Variants in SLC9A8 observed in about 807,000 individuals in gnomAD.
SLC9A8 encodes the protein sodium/hydrogen exchanger 8.
In SLC9A8, 48 loss-of-function variants were observed where a neutral mutation model predicts 66.6. The observed-to-expected ratio is 0.72, with a 90% confidence interval of 0.57 to 0.92. The LOEUF is 0.92. Among genes scored for constraint, SLC9A8 ranks in the 40% least tolerant of loss-of-function variants. The probability of loss-of-function intolerance (pLI) is 0.00; values close to 1 mark genes in which losing one functional copy is unlikely to be tolerated. For missense variants in SLC9A8, 599 were observed against 747.3 expected (o/e 0.80, Z 2.31); for synonymous variants, 274 against 282.6 (o/e 0.97, Z 0.31).
intron 3 of SLC9A8, among the ~76,000 whole-genome samples, chr20:49,837,280 T>A (rs1194988356): frequency 6.7e-6 from 1 of 149,574 alleles, no homozygotes; most frequent in Non-Finnish European, 1.5e-5. Context: ...AACGAAGCTG[T>A]GCCCCGACCA....
chr20:49,825,539 G>A (rs187377699), intron 3 of SLC9A8, among the ~76,000 whole-genome samples: 1 of 152,238 alleles, frequency 6.6e-6, no homozygotes, highest in Admixed American at 6.5e-5. Context: ...CTACTCTGGA[G>A]GCTGAAGCAA....
In SLC9A8 at chr20:49,886,728, G is replaced by T. The variant is rs772081918; in HGVS notation, c.1492-24G>T. 6.2e-7 allele frequency: 1 copy of T among 1,602,844 alleles called. No homozygotes were observed. The highest frequency in any genetic ancestry group is 1.1e-5 in the South Asian group (1 of 89,782). On this transcript the variant is annotated intron_variant, in intron 14 of 15. Coordinates refer to ENST00000361573, the MANE Select transcript of SLC9A8 (RefSeq NM_015266.3). The surrounding 1 kb of genome is among the most constrained non-coding windows in gnomAD (Gnocchi z 4.8). Reference sequence around the variant, plus strand: ...CCGATGGTGCCAGCTGGTGGCCGTCGGGCCGCCTTTCCTCCCTGCTCAGGG... The same window carrying T: ...CCGATGGTGCCAGCTGGTGGCCGTCTGGCCGCCTTTCCTCCCTGCTCAGGG...
At chr20:49,869,541 A>G (rs1027048250) in intron 10 of SLC9A8, among the ~76,000 whole-genome samples, 7 of 147,302 alleles carry the variant, frequency 4.8e-5, no homozygotes, top group African/African-American at 1.5e-4. Context: ...CTTTCTTAAG[A>G]TGTTGGCATG....
chr20:49,827,496 C>T (rs768887860), intron 3 of SLC9A8, among the ~76,000 whole-genome samples: 45 of 150,314 alleles, frequency 3.0e-4, no homozygotes, highest in Non-Finnish European at 5.3e-4. Flanking sequence ...CCCAGCTATT[C>T]AGGAGGATGG....
In SLC9A8 at chr20:49,881,091, A is replaced by G. The variant is rs1035586034; in HGVS notation, c.1270+56A>G. The G allele has an allele frequency of 2.1e-5, 26 of 1,228,422 alleles. No individual in the cohort carries two copies. In the East Asian group the frequency reaches 4.4e-4, roughly 21 times the overall value. 76.1% of individuals were successfully genotyped at this position (1,228,422 alleles called of 1,614,324 possible). On this transcript the variant is annotated intron_variant, in intron 13 of 15. Transcript: ENST00000361573. ...GAAGTACCTGTTAAAAGCACGCCCC[A>G]TACAGGGAGAGCTGTGGTTCTCTGC...
chr20:49,831,911 G>A (rs569234201), intron 3 of SLC9A8, among the ~76,000 whole-genome samples: 1 of 152,306 alleles, frequency 6.6e-6, no homozygotes, highest in South Asian at 2.1e-4. Flanking sequence ...CGCTTGCCCC[G>A]CCCTGGGCTG....
At chr20:49,876,856 G>T (rs942460891) in intron 11 of SLC9A8, among the ~76,000 whole-genome samples, 5 of 151,976 alleles carry the variant, frequency 3.3e-5, no homozygotes, top group African/African-American at 1.2e-4. Context: ...ACAAATATTA[G>T]ATAAGAAAAA....
At chr20:49,869,877 G>A (rs1019353042) in intron 10 of SLC9A8, among the ~76,000 whole-genome samples, 1 of 152,086 alleles carries the variant, frequency 6.6e-6, no homozygotes, top group East Asian at 1.9e-4. Context: ...GCATGAAGTT[G>A]GCCAAAGATA....
chr20:49,873,844 C>A (rs1052701450), intron 10 of SLC9A8, among the ~76,000 whole-genome samples: 3 of 151,998 alleles, frequency 2.0e-5, no homozygotes, highest in Non-Finnish European at 4.4e-5. Context: ...TTTCTGCCCC[C>A]CAGAGTGGTT....
rs569804708 is a variant in SLC9A8 at position 49,829,396 on chromosome 20, G to T, written c.289+6255G>T. On this transcript the variant is annotated intron_variant, in intron 3 of 15. Coordinates refer to ENST00000361573, the MANE Select transcript of SLC9A8 (RefSeq NM_015266.3). ...AAAAATTAGCCAGGCGTGGTGGCGGGCGTCTAGTCCTAGCTCCTCAGGAGG... is the reference window on the plus strand; with the variant it reads ...AAAAATTAGCCAGGCGTGGTGGCGGTCGTCTAGTCCTAGCTCCTCAGGAGG... Among the ~76,000 whole-genome samples the T allele has an allele frequency of 4.5e-4, 69 of 151,860 alleles. 1 individual carries two copies. The highest frequency in any genetic ancestry group is 1.6e-3 in the African/African-American group (65 of 41,350).
At chr20:49,850,310 C>A (rs574323600) in intron 6 of SLC9A8, among the ~76,000 whole-genome samples, 4 of 152,198 alleles carry the variant, frequency 2.6e-5, no homozygotes, top group Admixed American at 2.6e-4. Context: ...TTATGCATGT[C>A]CATGCATGTC....
intron 10 of SLC9A8, among the ~76,000 whole-genome samples, chr20:49,873,771 CAAAAAAA>C (rs35613935): frequency 1.5e-4 from 9 of 60,228 alleles, no homozygotes; most frequent in South Asian, 7.5e-4. Context: ...AACTCCGTCT[CAAAAAAA>C]AAAAAAAAAA....
chr20:49,843,960 C>G (rs973274979), intron 4 of SLC9A8, among the ~76,000 whole-genome samples: 5 of 152,118 alleles, frequency 3.3e-5, no homozygotes, highest in African/African-American at 1.2e-4. Flanking sequence ...CCCGCCCCCC[C>G]TTTCTTCCTC....
chr20:49,826,054 T>G (rs1263586817), intron 3 of SLC9A8, among the ~76,000 whole-genome samples: 2 of 152,224 alleles, frequency 1.3e-5, no homozygotes, highest in Non-Finnish European at 1.5e-5. Context: ...CAGAAATAAT[T>G]GTAGCCTGAA....
chr20:49,834,288 A>G (rs1274594807), intron 3 of SLC9A8, among the ~76,000 whole-genome samples: 1 of 142,108 alleles, frequency 7.0e-6, no homozygotes, highest in Admixed American at 7.6e-5. Flanking sequence ...CAGTATATGT[A>G]TATACACACA....
At chr20:49,829,477 C>T (rs954346803) in intron 3 of SLC9A8, 4 of 215,808 alleles carry the variant, frequency 1.9e-5, no homozygotes, top group South Asian at 1.3e-4. Flanking sequence ...GAGCCGAGAT[C>T]GCACCACTGC....
At chr20:49,883,632 C>G (rs1172799242) in intron 13 of SLC9A8, among the ~76,000 whole-genome samples, 1 of 152,206 alleles carries the variant, frequency 6.6e-6, no homozygotes, top group African/African-American at 2.4e-5. Flanking sequence ...CTCATTTGAT[C>G]TGCCAATGTT....
At chr20:49,818,479 ATT>A (rs758928369) in intron 2 of SLC9A8, among the ~76,000 whole-genome samples, 22 of 125,004 alleles carry the variant, frequency 1.8e-4, no homozygotes, top group South Asian at 2.5e-4. Flanking sequence ...CAAACATTGA[ATT>A]TTTTTTTTTT....
chr20:49,861,857 TA>T (rs2088752784), intron 8 of SLC9A8, among the ~76,000 whole-genome samples: 2 of 152,202 alleles, frequency 1.3e-5, no homozygotes, highest in East Asian at 3.9e-4. Flanking sequence ...TAATGTCTCC[TA>T]AATCCTCCCT....
Sources: allele counts gnomAD v4.1 joint callset (sites outside exome capture counted in the v4.1 genomes callset), GRCh38; gene constraint gnomAD v4.1.1; non-coding constraint Gnocchi (gnomAD v3.1); transcripts MANE v1.5; gene names NCBI Gene and HGNC (gene_info 2026-07-23, HGNC 2026-07-21).